Variants in ACTR3C observed in about 807,000 individuals in gnomAD.
ACTR3C encodes actin related protein 3C.
In ACTR3C, 18 loss-of-function variants were observed where a neutral mutation model predicts 26.3. The observed-to-expected ratio is 0.68, with a 90% CI of 0.47 to 1.01. The LOEUF (loss-of-function observed/expected upper bound fraction) is 1.01. Among genes scored for constraint, ACTR3C ranks in the 50% least tolerant of loss-of-function variants. ACTR3C has a pLI of 0.00. For missense variants in ACTR3C, 184 were observed against 250.7 expected, an observed-to-expected ratio of 0.73 and a Z score of 1.80; for synonymous variants, 55 against 94.5, an observed-to-expected ratio of 0.58 and a Z score of 2.42.
the ACTR3C span, among the ~76,000 whole-genome samples, chr7:150,102,572 T>C: frequency 4.6e-5 from 7 of 152,164 alleles, no homozygotes; most frequent in Non-Finnish European, 7.3e-5. Context: ...AACTGTTAAA[T>C]GAAGGATGCT....
the ACTR3C span, among the ~76,000 whole-genome samples, chr7:150,029,438 G>A: frequency 6.8e-6 from 1 of 147,662 alleles, no homozygotes; most frequent in African/African-American, 2.5e-5. Context: ...AAAACCATGA[G>A]TGGGTGTGGT....
the ACTR3C span, among the ~76,000 whole-genome samples, chr7:149,952,744 C>A: frequency 6.6e-6 from 1 of 151,072 alleles, no homozygotes; most frequent in Non-Finnish European, 1.5e-5. Context: ...ACTAAGTAAT[C>A]AAAAAATGCA....
chr7:150,221,819 C>A, the ACTR3C span, among the ~76,000 whole-genome samples: 2 of 151,908 alleles, frequency 1.3e-5, no homozygotes, highest in African/African-American at 2.4e-5. Context: ...ACAGTGAAAC[C>A]CCGTCTCTAC....
the ACTR3C span, among the ~76,000 whole-genome samples, chr7:150,023,339 ATATATATT>A: frequency 1.1e-4 from 1 of 9,400 alleles, no homozygotes; most frequent in African/African-American, 1.9e-4. Flanking sequence ...ACATACATAC[ATATATATT>A]TTAGAGACAG....
At chr7:149,915,424 C>A in the ACTR3C span, among the ~76,000 whole-genome samples, 1 of 152,070 alleles carries the variant, frequency 6.6e-6, no homozygotes, top group Admixed American at 6.6e-5. Flanking sequence ...TTACTCCTAC[C>A]CTTAAAAATA....
intron 1 of ACTR3C, among the ~76,000 whole-genome samples, chr7:150,309,144 C>T (rs533582541): frequency 6.6e-6 from 1 of 152,104 alleles, no homozygotes; most frequent in Admixed American, 6.5e-5. Flanking sequence ...ACAGGCTTCC[C>T]AGGTATAGCT....
At chr7:150,050,435 A>C in the ACTR3C span, among the ~76,000 whole-genome samples, 1 of 152,222 alleles carries the variant, frequency 6.6e-6, no homozygotes, top group African/African-American at 2.4e-5. Context: ...GGTAACTATA[A>C]TCTAACCAAA....
rs189313027 is a variant in ACTR3C, at chr7:150,286,469, C to G, written c.369G>C (p.Trp123Cys). The G allele has an allele frequency of 2.5e-6, 4 of 1,612,474 alleles. No individual in the cohort carries two copies. In the East Asian group the frequency reaches 8.9e-5, roughly 36 times the overall value. ...FAKYDVDPQK[W>C]IKQYTGINAI... ...CATTGATACCCGTGTACTGTTTGATCCACTTCTGGGGATCCACATCATACT... is the reference window on the plus strand; with the variant it reads ...CATTGATACCCGTGTACTGTTTGATGCACTTCTGGGGATCCACATCATACT... The change falls in exon 5 of 8, where the codon TGG becomes TGC. Residue 123 changes from tryptophan (W) to cysteine (C), a missense_variant. Physicochemically the swap from Trp to Cys is radical, Grantham distance 215 (BLOSUM62 -2). Transcript: ENST00000683684.
the ACTR3C span, among the ~76,000 whole-genome samples, chr7:150,149,451 C>T: frequency 4.6e-5 from 7 of 151,050 alleles, no homozygotes; most frequent in African/African-American, 1.2e-4. Context: ...CTCATTAACT[C>T]GTCGTTTACA....
chr7:149,886,477 C>T, the ACTR3C span, among the ~76,000 whole-genome samples: 1 of 152,238 alleles, frequency 6.6e-6, no homozygotes, highest in Admixed American at 6.5e-5. Context: ...TAAGAAATAA[C>T]CAAGATATTC....
At chr7:149,981,566 C>T in the ACTR3C span, among the ~76,000 whole-genome samples, 1 of 149,910 alleles carries the variant, frequency 6.7e-6, no homozygotes, top group Non-Finnish European at 1.5e-5. Context: ...CTGGTCAATG[C>T]CTTGAGTGGT....
At chr7:150,196,949 A>C in the ACTR3C span, among the ~76,000 whole-genome samples, 4 of 152,350 alleles carry the variant, frequency 2.6e-5, no homozygotes, top group East Asian at 5.8e-4. Flanking sequence ...TTCTGAGCCT[A>C]GAATATATTA....
chr7:149,949,411 G>A, the ACTR3C span, among the ~76,000 whole-genome samples: 2 of 145,660 alleles, frequency 1.4e-5, no homozygotes, highest in African/African-American at 2.8e-5. Context: ...AGGAAGGAAG[G>A]AAGGAAGGAA....
the ACTR3C span, among the ~76,000 whole-genome samples, chr7:149,947,761 C>G: frequency 6.9e-6 from 1 of 144,628 alleles, no homozygotes; most frequent in East Asian, 1.9e-4. Flanking sequence ...GTGCAGCTAT[C>G]CTGGGGGTTC....
At chr7:150,211,203 G>GT in the ACTR3C span, among the ~76,000 whole-genome samples, 1 of 149,546 alleles carries the variant, frequency 6.7e-6, no homozygotes, top group East Asian at 1.9e-4. Flanking sequence ...CATTAAGTAT[G>GT]TTTTACTATG....
At chr7:150,132,512 A>C in the ACTR3C span, among the ~76,000 whole-genome samples, 1 of 152,236 alleles carries the variant, frequency 6.6e-6, no homozygotes, top group African/African-American at 2.4e-5. Context: ...AATGCTGAAC[A>C]TCACTCATCA....
chr7:150,252,067 T>G (rs1038247427), intron 6 of ACTR3C, among the ~76,000 whole-genome samples: 31 of 152,162 alleles, frequency 2.0e-4, no homozygotes, highest in Non-Finnish European at 4.4e-5. Flanking sequence ...CGCTTTAACT[T>G]CGACATTTCA....
chr7:150,322,150 T>C (rs1320767891), intron 1 of ACTR3C, among the ~76,000 whole-genome samples: 1 of 152,178 alleles, frequency 6.6e-6, no homozygotes, highest in Non-Finnish European at 1.5e-5. Flanking sequence ...CAGGCCCAGA[T>C]GTTCTCTGGG....
chr7:150,163,378 G>A, the ACTR3C span, among the ~76,000 whole-genome samples: 2 of 133,704 alleles, frequency 1.5e-5, no homozygotes, highest in Non-Finnish European at 3.1e-5. Context: ...ATATATATAT[G>A]TGTGTATGTG....
Sources: gnomAD v4.1 joint callset for allele counts (sites outside exome capture counted in the v4.1 genomes callset) on GRCh38, gnomAD v4.1.1 for gene constraint, MANE v1.5 for transcripts, NCBI Gene and HGNC (gene_info 2026-07-23, HGNC 2026-07-21) for gene names.